The following REDIC1 variants were observed in gnomAD, a reference collection of about 807,000 sequenced individuals.
REDIC1 encodes the protein HEI10 Interacting Protein 1.
chr12:39,656,889 T>C, the REDIC1 span, among the ~76,000 whole-genome samples: 2 of 152,208 alleles, frequency 1.3e-5, no homozygotes, highest in Admixed American at 1.3e-4. Context: ...TTTACAGCTG[T>C]ACAATGTATT....
At chr12:39,783,935 A>G in the REDIC1 span, among the ~76,000 whole-genome samples, 2 of 152,204 alleles carry the variant, frequency 1.3e-5, no homozygotes, top group Admixed American at 1.3e-4. Flanking sequence ...CAAATAACAG[A>G]CAAACAGAGA....
At chr12:39,866,354 T>C in the REDIC1 span, among the ~76,000 whole-genome samples, 1 of 152,218 alleles carries the variant, frequency 6.6e-6, no homozygotes, top group Non-Finnish European at 1.5e-5. Flanking sequence ...TGCTGTTTCC[T>C]GACTCTGTGA....
At chr12:39,833,610 G>T in the REDIC1 span, among the ~76,000 whole-genome samples, 1 of 151,988 alleles carries the variant, frequency 6.6e-6, no homozygotes, top group African/African-American at 2.4e-5. Context: ...TTCTGTACTG[G>T]CAGAGAAATA....
the REDIC1 span, among the ~76,000 whole-genome samples, chr12:39,711,341 A>G: frequency 6.8e-6 from 1 of 148,046 alleles, no homozygotes; most frequent in South Asian, 2.1e-4. Flanking sequence ...TCACATATAT[A>G]CATCTATATG....
the REDIC1 span, among the ~76,000 whole-genome samples, chr12:39,858,280 A>G: frequency 1.3e-5 from 2 of 152,172 alleles, no homozygotes; most frequent in Non-Finnish European, 2.9e-5. Context: ...TTTCCTTTTT[A>G]ATTGACTTAT....
the REDIC1 span, among the ~76,000 whole-genome samples, chr12:39,882,894 T>A: frequency 1.3e-5 from 2 of 152,220 alleles, no homozygotes; most frequent in Non-Finnish European, 2.9e-5. Flanking sequence ...TACATCATAT[T>A]TCTATTTCTA....
the REDIC1 span, among the ~76,000 whole-genome samples, chr12:39,709,718 A>G: frequency 4.9e-3 from 750 of 151,836 alleles, 2 homozygotes; most frequent in Non-Finnish European, 7.3e-3. Context: ...CGTGTATGCC[A>G]TATTTTCTGT....
chr12:39,816,252 A>G, the REDIC1 span, among the ~76,000 whole-genome samples: 1 of 152,080 alleles, frequency 6.6e-6, no homozygotes, highest in Non-Finnish European at 1.5e-5. Flanking sequence ...CATTTCTTCT[A>G]CAAACAAAAA....
the REDIC1 span, among the ~76,000 whole-genome samples, chr12:39,773,845 A>G: frequency 1.3e-5 from 2 of 152,228 alleles, no homozygotes. Context: ...TTTATAAAAG[A>G]TCCAGAATTT....
chr12:39,773,984 A>G, the REDIC1 span, among the ~76,000 whole-genome samples: 1 of 152,232 alleles, frequency 6.6e-6, no homozygotes, highest in African/African-American at 2.4e-5. Flanking sequence ...CCAGTTCCTG[A>G]CGCAGGACTG....
chr12:39,879,950 C>T, the REDIC1 span, among the ~76,000 whole-genome samples: 3 of 152,120 alleles, frequency 2.0e-5, no homozygotes, highest in African/African-American at 7.2e-5. Flanking sequence ...GTGTTTGGGT[C>T]ATGGGGTGGA....
chr12:39,868,328 G>A, the REDIC1 span, among the ~76,000 whole-genome samples: 2 of 152,084 alleles, frequency 1.3e-5, no homozygotes, highest in South Asian at 4.1e-4. Context: ...TGAATAAATA[G>A]CATTATTAAA....
At chr12:39,657,928 GT>G in the REDIC1 span, among the ~76,000 whole-genome samples, 1 of 150,954 alleles carries the variant, frequency 6.6e-6, no homozygotes, top group Admixed American at 6.6e-5. Context: ...TTTCCTCTGC[GT>G]TTTCTAGTTT....
the REDIC1 span, chr12:39,683,017 A>G: frequency 6.2e-7 from 1 of 1,613,380 alleles, no homozygotes; most frequent in Non-Finnish European, 8.5e-7. Flanking sequence ...TTTGAATAAA[A>G]CAAGTTATCC....
chr12:39,724,602 CAGAGATTATG>C, the REDIC1 span, among the ~76,000 whole-genome samples: 15 of 152,156 alleles, frequency 9.9e-5, 1 homozygote, highest in South Asian at 3.1e-3. Context: ...TTAAGACAGG[CAGAGATTATG>C]ACAAGTAGAT....
At chr12:39,885,849 C>G in the REDIC1 span, among the ~76,000 whole-genome samples, 7 of 152,280 alleles carry the variant, frequency 4.6e-5, no homozygotes, top group South Asian at 1.4e-3. Context: ...CCAGCCTCCT[C>G]CTACCCAGGA....
the REDIC1 span, among the ~76,000 whole-genome samples, chr12:39,745,508 T>A: frequency 1.3e-5 from 2 of 152,172 alleles, 1 homozygote; most frequent in South Asian, 4.1e-4. Context: ...GGATATAGGA[T>A]TTTTGTGAGG....
the REDIC1 span, among the ~76,000 whole-genome samples, chr12:39,699,158 C>T: frequency 9.2e-5 from 14 of 152,106 alleles, no homozygotes; most frequent in East Asian, 1.9e-4. Flanking sequence ...ACACAGAAGA[C>T]GGGTGATTTC....
chr12:39,832,784 C>T, the REDIC1 span, among the ~76,000 whole-genome samples: 2 of 152,032 alleles, frequency 1.3e-5, no homozygotes, highest in East Asian at 3.9e-4. Flanking sequence ...CTGAATTTCC[C>T]TTCTCCTCTA....
Sources: allele counts gnomAD v4.1 joint callset (sites outside exome capture counted in the v4.1 genomes callset), GRCh38; gene constraint gnomAD v4.1.1; transcripts MANE v1.5; gene names NCBI Gene and HGNC (gene_info 2026-07-23, HGNC 2026-07-21).